Variants in CTNNA2 observed in about 807,000 individuals in gnomAD.
CTNNA2 encodes the protein catenin alpha-2.
CTNNA2 carries 42 observed loss-of-function variants against 101.0 expected under a neutral mutation model. The ratio of observed to expected loss-of-function variants is 0.42; its 90% confidence interval spans 0.32 to 0.54. CTNNA2 has a LOEUF of 0.54. CTNNA2 is among the 20% of genes least tolerant of loss of function. CTNNA2 has a pLI of 0.14. For missense variants in CTNNA2, 871 were observed against 1,223.1 expected, an observed-to-expected ratio of 0.71 and a Z score of 4.29; for synonymous variants, 450 against 456.4, an observed-to-expected ratio of 0.99 and a Z score of 0.18.
chr2:79,935,779 G>T (rs1687748019), intron 7 of CTNNA2, among the ~76,000 whole-genome samples: 5 of 152,218 alleles, frequency 3.3e-5, no homozygotes, highest in Admixed American at 2.6e-4. Flanking sequence ...GTTGACAGAG[G>T]CCTGGCAGTA....
At chr2:79,427,069 G>A (rs72820626) in intron 4 of CTNNA2, among the ~76,000 whole-genome samples, 4,128 of 152,002 alleles carry the variant, frequency 0.027, 82 homozygotes, top group Non-Finnish European at 0.038. Flanking sequence ...GAAAAGCACA[G>A]TCATGTCTTT....
chr2:79,257,761 T>C (rs1206194352), intron 2 of CTNNA2, among the ~76,000 whole-genome samples: 1 of 151,806 alleles, frequency 6.6e-6, no homozygotes, highest in Non-Finnish European at 1.5e-5. Flanking sequence ...ATGATGGCTG[T>C]TCAAGTTTCC....
intron 1 of CTNNA2, among the ~76,000 whole-genome samples, chr2:79,554,238 G>C (rs1049849102): frequency 1.1e-4 from 16 of 151,658 alleles, no homozygotes; most frequent in Non-Finnish European, 1.5e-5. Context: ...ATCTGTATTT[G>C]AAAGACTCAG....
chr2:79,743,754 G>A (rs151022226), intron 2 of CTNNA2, among the ~76,000 whole-genome samples: 8,900 of 151,938 alleles, frequency 0.059, 382 homozygotes, highest in Non-Finnish European at 0.086. Context: ...GGCTGGTCTC[G>A]AACTCCTGAC....
Position 80,555,862 on chromosome 2 carries a change from G to T in CTNNA2, c.1710G>T (p.Val570=). Residue 570 remains valine, a synonymous_variant, in exon 12 of 19, where the codon GTG becomes GTT. Transcript: ENST00000402739. ...NYEAGVYTEK[V]LEATKLLSET... ...AAGCTGGGGTTTATACTGAGAAGGT[G>T]TTGGAAGCTACAAAATTGCTTTCTG... is the stretch of plus-strand genomic sequence containing the variant. 2 of 1,564,782 alleles carry T rather than the reference G, an allele frequency of 1.3e-6. No individual in the cohort carries two copies. Among genetic ancestry groups the T allele is most frequent in the Non-Finnish European group, 1.7e-6 (2 of 1,154,386 alleles).
rs1676425159 is a variant in CTNNA2, at chr2:80,302,522, A to G, written c.1057-90689A>G. On this transcript the variant is annotated intron_variant, in intron 7 of 18. Coordinates refer to ENST00000402739, the MANE Select transcript of CTNNA2 (RefSeq NM_001282597.3). The surrounding 1 kb of genome is among the most constrained non-coding windows in gnomAD (Gnocchi z 6.4). ...GATGAGGAAGGAGAAGATGAGGGCC[A>G]TGGTGCCCGTGACCACCTTGTGGAT... is the stretch of plus-strand genomic sequence containing the variant. 6.2e-7 allele frequency: 1 copy of G among 1,612,144 alleles called. No homozygotes were observed. Among genetic ancestry groups the G allele is most frequent in the Non-Finnish European group, 8.5e-7 (1 of 1,179,946 alleles).
At chr2:80,298,467 A>G (rs1225626717) in intron 7 of CTNNA2, 1 of 152,182 alleles carries the variant, frequency 6.6e-6, no homozygotes, top group Non-Finnish European at 1.5e-5. Flanking sequence ...GCCCTGTTCT[A>G]CTGGGCCATG....
chr2:80,318,362 T>C (rs6755232), intron 7 of CTNNA2, among the ~76,000 whole-genome samples: 24,262 of 152,140 alleles, frequency 0.16, 2,289 homozygotes, highest in African/African-American at 0.26. Context: ...CCTTTATGCC[T>C]TCTAGTTTGA....
At position 80,136,445 on chromosome 2, in the gene CTNNA2, A is replaced by T. The variant is rs75846181; in HGVS notation, c.1056+226648A>T. ...TGTTGGCTTTCTTCTATGAATAGTC[A>T]ATGTACCCTGCTTGGACTCTTCCTT... On this transcript the variant is annotated intron_variant, in intron 7 of 18. Coordinates refer to ENST00000402739, the MANE Select transcript of CTNNA2 (RefSeq NM_001282597.3). 3.4e-3 allele frequency among the ~76,000 whole-genome samples: 525 copies of T among 152,254 alleles called. 3 individuals are homozygous for T. The highest frequency in any genetic ancestry group is 0.012 in the African/African-American group (496 of 41,560).
rs60132060 is a variant in CTNNA2 at position 80,596,279 on chromosome 2, G to GTTTTTTTTTTTT, written c.2189+6831_2189+6842dup. ...AGTTTTTTTGGGCTGAGACAAGGTT[G>GTTTTTTTTTTTT]TTTTTTTTTTTTTTTTTTTTTTTTT... On this transcript the variant is annotated intron_variant, in intron 15 of 18. Transcript: ENST00000402739. 2.6e-3 allele frequency among the ~76,000 whole-genome samples: 91 copies of GTTTTTTTTTTTT among 35,320 alleles called. 36 individuals carry two copies. The highest frequency in any genetic ancestry group is 5.0e-3 in the East Asian group (4 of 798). The allele number at this position is 35,320 out of a possible 152,430, so 23.2% of individuals were successfully genotyped here. A position where few individuals can be genotyped will look rare whatever the true frequency, so the allele number is the denominator to read the frequency against.
intron 7 of CTNNA2, among the ~76,000 whole-genome samples, chr2:80,056,224 T>G (rs1376758060): frequency 6.6e-6 from 1 of 152,222 alleles, no homozygotes; most frequent in Non-Finnish European, 1.5e-5. Context: ...GAGAGAGGCA[T>G]GCCTTCTCCT....
chr2:79,659,573 T>G (rs1019986808), intron 2 of CTNNA2, among the ~76,000 whole-genome samples: 2 of 152,214 alleles, frequency 1.3e-5, no homozygotes, highest in Non-Finnish European at 2.9e-5. Flanking sequence ...ATGTATAGTG[T>G]GATTAACCCA....
At chr2:79,575,670 G>A (rs1458920288) in intron 1 of CTNNA2, 1 of 152,166 alleles carries the variant, frequency 6.6e-6, no homozygotes, top group Non-Finnish European at 1.5e-5. Context: ...CCTTGGACTT[G>A]CTGCTGCACA....
At chr2:80,244,463 C>CGTTTT (rs1671176912) in intron 7 of CTNNA2, among the ~76,000 whole-genome samples, 1 of 152,156 alleles carries the variant, frequency 6.6e-6, no homozygotes, top group African/African-American at 2.4e-5. Context: ...TCTAGTCAAG[C>CGTTTT]GTTTTGTTCA....
chr2:80,537,910 A>G (rs1027323378), intron 9 of CTNNA2, among the ~76,000 whole-genome samples: 3 of 152,122 alleles, frequency 2.0e-5, no homozygotes, highest in Non-Finnish European at 2.9e-5. Context: ...TGACTTTTTA[A>G]TGATCGCCAT....
chr2:79,313,435 A>G (rs1676428050), intron 3 of CTNNA2, among the ~76,000 whole-genome samples: 1 of 152,236 alleles, frequency 6.6e-6, no homozygotes, highest in Admixed American at 6.5e-5. Flanking sequence ...TTATCTCACC[A>G]TAATAATACT....
At chr2:79,628,053 A>T (rs772182150) in intron 1 of CTNNA2, among the ~76,000 whole-genome samples, 4 of 152,194 alleles carry the variant, frequency 2.6e-5, no homozygotes, top group Non-Finnish European at 5.9e-5. Flanking sequence ...AAGCATGTTC[A>T]TGATTTTAAG....
At chr2:79,915,607 G>T (rs1686145491) in intron 7 of CTNNA2, among the ~76,000 whole-genome samples, 1 of 152,150 alleles carries the variant, frequency 6.6e-6, no homozygotes, top group East Asian at 1.9e-4. Context: ...TAGACCCAAA[G>T]CGTGACTAGG....
chr2:80,569,886 C>T (rs1305777044), intron 12 of CTNNA2, among the ~76,000 whole-genome samples: 1 of 151,858 alleles, frequency 6.6e-6, no homozygotes, highest in African/African-American at 2.4e-5. Flanking sequence ...TCGTGATCCA[C>T]CCTCCTCGGC....
Sources: allele counts gnomAD v4.1 joint callset (sites outside exome capture counted in the v4.1 genomes callset), GRCh38; gene constraint gnomAD v4.1.1; non-coding constraint Gnocchi (gnomAD v3.1); transcripts MANE v1.5; gene names NCBI Gene and HGNC (gene_info 2026-07-23, HGNC 2026-07-21).